The following TENM1 variants were observed in gnomAD, a reference collection of about 807,000 sequenced individuals.
The protein encoded by TENM1 is teneurin transmembrane protein 1.
Under a neutral mutation model 174.8 loss-of-function variants are expected in TENM1, and 35 were observed. That is an observed-to-expected ratio of 0.20 (90% CI 0.15 to 0.27). TENM1 has a LOEUF of 0.27. TENM1 is among the 10% of genes least tolerant of loss of function. The pLI, the probability that TENM1 is intolerant of heterozygous loss-of-function variation, is 1.00. For synonymous variants in TENM1, 781 were observed against 798.7 expected (o/e 0.98, Z 0.37); for missense variants, 1,633 against 2,130.1 (o/e 0.77, Z 4.59).
chrX:124,607,232 G>A (rs1488768351), intron 11 of TENM1, among the ~76,000 whole-genome samples: 1 of 111,167 alleles, frequency 9.0e-6, no homozygotes, highest in Non-Finnish European at 1.9e-5. Context: ...TGTGTAGGGG[G>A]TGATGGTATG....
At chrX:124,935,914 A>G (rs1453481607) in intron 1 of TENM1, among the ~76,000 whole-genome samples, 1 of 111,773 alleles carries the variant, frequency 8.9e-6, no homozygotes, top group Admixed American at 9.5e-5. Context: ...CCTGAACATA[A>G]GGTCCTTTAG....
exon 32 of TENM1, chrX:124,378,543 G>GA (rs1270292319): frequency 1.8e-5 from 2 of 111,825 alleles, no homozygotes; most frequent in Non-Finnish European, 3.8e-5. Flanking sequence ...GCCTGATTCA[G>GA]AAAAAACCCA....
intron 3 of TENM1, among the ~76,000 whole-genome samples, chrX:124,783,741 A>G (rs1304527286): frequency 2.7e-5 from 3 of 111,886 alleles, no homozygotes; most frequent in Non-Finnish European, 5.7e-5. Flanking sequence ...TTTTTAAACC[A>G]GAAGGTAGGA....
chrX:124,709,193 A>C (rs937576090), intron 4 of TENM1, among the ~76,000 whole-genome samples: 3 of 111,887 alleles, frequency 2.7e-5, no homozygotes, highest in African/African-American at 9.7e-5. Flanking sequence ...TCTTCATAAC[A>C]ACTTTATTAC....
At chrX:124,673,042 G>A (rs189710491) in intron 5 of TENM1, among the ~76,000 whole-genome samples, 3 of 111,498 alleles carry the variant, frequency 2.7e-5, no homozygotes, top group Admixed American at 1.9e-4. Context: ...GAAAGCTTTC[G>A]GTTTAAAGGA....
intron 22 of TENM1, among the ~76,000 whole-genome samples, chrX:124,458,473 A>G (rs753949104): frequency 8.9e-6 from 1 of 112,397 alleles, no homozygotes; most frequent in Non-Finnish European, 1.9e-5. Flanking sequence ...AGACACTAAT[A>G]AACTCACTGT....
chrX:124,694,853 C>T (rs1024350194), intron 5 of TENM1, among the ~76,000 whole-genome samples: 1 of 111,878 alleles, frequency 8.9e-6, no homozygotes. Flanking sequence ...TCCTGCCCTT[C>T]ACATAATTTC....
At chrX:124,969,505 C>T in the TENM1 span, among the ~76,000 whole-genome samples, 12 of 112,474 alleles carry the variant, frequency 1.1e-4, no homozygotes, top group Admixed American at 7.5e-4. Flanking sequence ...ACAGCAGCAG[C>T]AGCTGTAGCA....
At chrX:124,901,549 A>G (rs898999817) in intron 1 of TENM1, among the ~76,000 whole-genome samples, 2 of 111,345 alleles carry the variant, frequency 1.8e-5, no homozygotes, top group African/African-American at 6.5e-5. Flanking sequence ...ATCTTGGCTC[A>G]CTGCAGCCTC....
intron 1 of TENM1, among the ~76,000 whole-genome samples, chrX:124,911,971 C>T (rs2057844462): frequency 1.8e-5 from 2 of 111,888 alleles, no homozygotes; most frequent in African/African-American, 6.5e-5. Context: ...CCTAACGTAG[C>T]AAGCATTGTT....
the TENM1 span, among the ~76,000 whole-genome samples, chrX:125,199,293 A>C: frequency 6.3e-5 from 7 of 111,838 alleles, no homozygotes; most frequent in South Asian, 2.6e-3. Flanking sequence ...AGTCATAGAA[A>C]TTTGTCATAA....
At chrX:124,436,533 G>A (rs925031387) in intron 23 of TENM1, among the ~76,000 whole-genome samples, 17 of 105,759 alleles carry the variant, frequency 1.6e-4, no homozygotes, top group South Asian at 4.4e-4. Context: ...TCACTCTGTC[G>A]CCCAGGCTGG....
At chrX:124,386,210 G>A (rs1213627738) in intron 28 of TENM1, 146 bp from the exon 32 acceptor site, 1 of 483,305 alleles carries the variant, frequency 2.1e-6, no homozygotes, top group Non-Finnish European at 3.4e-6. Context: ...GGATACAGTA[G>A]TGCACAATAG....
chrX:124,681,544 C>T (rs759124268), intron 5 of TENM1, among the ~76,000 whole-genome samples: 1 of 111,602 alleles, frequency 9.0e-6, no homozygotes, highest in Admixed American at 9.5e-5. Context: ...GCTGAGGATA[C>T]AACACTTACT....
intron 6 of TENM1, among the ~76,000 whole-genome samples, chrX:124,668,983 C>T (rs2051849611): frequency 8.9e-6 from 1 of 111,772 alleles, no homozygotes; most frequent in Non-Finnish European, 1.9e-5. Flanking sequence ...TCATCATTCA[C>T]TGCAAAGTTC....
intron 1 of TENM1, among the ~76,000 whole-genome samples, chrX:124,933,423 C>T (rs1360955608): frequency 8.9e-6 from 1 of 112,179 alleles, no homozygotes; most frequent in East Asian, 2.8e-4. Context: ...AAAGATTTAT[C>T]AAGAGTGATT....
chrX:124,667,407 T>C (rs1479993352), intron 6 of TENM1, among the ~76,000 whole-genome samples: 1 of 109,719 alleles, frequency 9.1e-6, no homozygotes, highest in Non-Finnish European at 1.9e-5. Context: ...CTGGCCAACA[T>C]GGTGAAACCC....
At chrX:125,020,854 T>C in the TENM1 span, among the ~76,000 whole-genome samples, 1 of 111,769 alleles carries the variant, frequency 8.9e-6, no homozygotes, top group Non-Finnish European at 1.9e-5. Flanking sequence ...CAACACAGCC[T>C]ATGTTGTAAG....
chrX:124,966,883 G>C (rs898840824), upstream of TENM1, among the ~76,000 whole-genome samples: 6 of 111,523 alleles, frequency 5.4e-5, no homozygotes, highest in Non-Finnish European at 1.1e-4. Context: ...ATATAGTAGA[G>C]ACTTGGTCAA....
Sources: allele counts gnomAD v4.1 joint callset (sites outside exome capture counted in the v4.1 genomes callset), GRCh38; gene constraint gnomAD v4.1.1; transcripts MANE v1.5; gene names NCBI Gene and HGNC (gene_info 2026-07-23, HGNC 2026-07-21).